The following IGSF9B variants were observed in gnomAD, a reference collection of about 807,000 sequenced individuals.
IGSF9B encodes the protein immunoglobulin superfamily member 9B, also known as protein turtle homolog B.
IGSF9B carries 48 observed loss-of-function variants against 143.7 expected under a neutral mutation model. The ratio of observed to expected loss-of-function variants is 0.33; its 90% CI spans 0.26 to 0.42. IGSF9B has a LOEUF of 0.42. Among genes scored for constraint, IGSF9B ranks in the 20% least tolerant of loss-of-function variants. The pLI, the probability that IGSF9B is intolerant of heterozygous loss-of-function variation, is 1.00. For missense variants in IGSF9B, 1,706 were observed against 1,980.0 expected (o/e 0.86, Z 2.63); for synonymous variants, 903 against 833.1 (o/e 1.08, Z -1.44).
intron 3 of IGSF9B, among the ~76,000 whole-genome samples, chr11:133,942,754 G>C (rs1177590502): frequency 6.6e-6 from 1 of 152,174 alleles, no homozygotes; most frequent in East Asian, 1.9e-4. Flanking sequence ...CCCTGCTCAC[G>C]CAACAGCTGG....
chr11:133,922,099 G>A (rs897122662), intron 17 of IGSF9B, 78 bp downstream of exon 17: 2 of 1,195,140 alleles, frequency 1.7e-6, no homozygotes, highest in East Asian at 2.4e-5. Flanking sequence ...ACTAACATGG[G>A]GCTGGGTAAG....
chr11:133,956,356 G>A (rs987189410), intron 1 of IGSF9B, among the ~76,000 whole-genome samples: 21 of 152,262 alleles, frequency 1.4e-4, no homozygotes, highest in Admixed American at 1.3e-3. Context: ...GGCGGCCGCC[G>A]GGCAGGAGGC....
intron 18 of IGSF9B, among the ~76,000 whole-genome samples, chr11:133,914,384 G>A (rs1044569878): frequency 6.6e-6 from 1 of 152,022 alleles, no homozygotes; most frequent in Non-Finnish European, 1.5e-5. Flanking sequence ...GAAAAGCATG[G>A]CATCCCCGCC....
At position 133,902,829 on chromosome 11, in the gene IGSF9B, T is replaced by G. The variant is rs146464791; in HGVS notation, c.*6240A>C. ...AACTGCAAGATGACCGTGAGGAGGCTCATCCCTCCACCAGAAATACAGCTT... is the reference window on the plus strand; with the variant it reads ...AACTGCAAGATGACCGTGAGGAGGCGCATCCCTCCACCAGAAATACAGCTT... On this transcript the variant is annotated 3_prime_UTR_variant, in exon 20 of 20. Coordinates refer to ENST00000533871, the MANE Select transcript of IGSF9B (RefSeq NM_001277285.4). Among the ~76,000 whole-genome samples the G allele has an allele frequency of 6.6e-6, 1 of 152,178 alleles. No individual in the cohort carries two copies. The highest frequency in any genetic ancestry group is 1.9e-4 in the East Asian group (1 of 5,168).
rs1251586552 is a variant in IGSF9B at position 133,900,058 on chromosome 11, C to T, written c.*9011G>A. ...ACAGTGCCTGACTGAATGGCAGGGC[C>T]TCATAGGTCCATGTAAGGATCAAGA... On this transcript the variant is annotated 3_prime_UTR_variant, in exon 20 of 20. Coordinates refer to ENST00000533871, the MANE Select transcript of IGSF9B (RefSeq NM_001277285.4). 2 of 152,130 alleles carry T rather than the reference C, an allele frequency of 1.3e-5. No individual in the cohort carries two copies. The highest frequency in any genetic ancestry group is 4.8e-5 in the African/African-American group (2 of 41,326). The allele number at this position is 152,130 out of a possible 1,614,324, so 9.4% of individuals were successfully genotyped here. A position where few individuals can be genotyped will look rare whatever the true frequency, so the allele number is the denominator to read the frequency against.
At chr11:133,916,908 C>T (rs1002451636) in intron 18 of IGSF9B, among the ~76,000 whole-genome samples, 7 of 152,108 alleles carry the variant, frequency 4.6e-5, no homozygotes, top group East Asian at 1.9e-4. Flanking sequence ...AGCTCATAAA[C>T]GCTGCCTGAC....
At chr11:133,933,801 C>T (rs1456814853) in intron 7 of IGSF9B, among the ~76,000 whole-genome samples, 1 of 152,140 alleles carries the variant, frequency 6.6e-6, no homozygotes, top group Non-Finnish European at 1.5e-5. Flanking sequence ...GAGTCACCTC[C>T]TCTCAGTACT....
chr11:133,939,365 GTCTC>G (rs1336395656), intron 3 of IGSF9B, among the ~76,000 whole-genome samples: 2 of 152,228 alleles, frequency 1.3e-5, no homozygotes, highest in East Asian at 3.8e-4. Flanking sequence ...TTACAAGTCT[GTCTC>G]TCTCTGTGTG....
intron 15 of IGSF9B, among the ~76,000 whole-genome samples, chr11:133,923,551 G>A (rs774103786): frequency 9.9e-5 from 15 of 152,178 alleles, no homozygotes; most frequent in Non-Finnish European, 1.6e-4. Context: ...AAGTTGTGTC[G>A]GTAAGTGCCA....
At position 133,937,868 on chromosome 11, in the gene IGSF9B, T is replaced by C; in HGVS notation, c.503A>G (p.Lys168Arg). ...CTCCTTGAGCCAGGTGACAATGGGC[T>C]TGGGGTTCCCAAAAGCTGTGCAGGT... ...TMTCTAFGNP[K>R]PIVTWLKEGT... The change falls in exon 4 of 20, where the codon AAG becomes AGG. Residue 168 changes from lysine (K) to arginine (R), a missense_variant. Lys to Arg is a conservative substitution (Grantham distance 26, BLOSUM62 2). Around this residue, in one of 7 missense-constraint regions of IGSF9B, gnomAD observed 238 missense variants for 452.6 expected, o/e 0.53. Coordinates refer to ENST00000533871, the MANE Select transcript of IGSF9B (RefSeq NM_001277285.4). 1.2e-6 allele frequency: 2 copies of C among 1,611,922 alleles called. No homozygotes were observed. The highest frequency in any genetic ancestry group is 1.7e-6 in the Non-Finnish European group (2 of 1,179,014).
Position 133,931,646 on chromosome 11 carries a change from G to A in IGSF9B, c.1251+9C>T. The A allele has an allele frequency of 6.2e-7, 1 of 1,608,628 alleles. No homozygotes were observed. The highest frequency in any genetic ancestry group is 8.5e-7 in the Non-Finnish European group (1 of 1,176,748). On this transcript the variant is annotated intron_variant, in intron 9 of 19. Coordinates refer to ENST00000533871, the MANE Select transcript of IGSF9B (RefSeq NM_001277285.4). The surrounding 1 kb of genome is among the most constrained non-coding windows in gnomAD (Gnocchi z 7.7). Reference sequence around the variant, plus strand: ...GCTCATGGAGGCCGTCACAGCCCTGGGACCTCACCTTCAGGACAAGCCTCG... The same window carrying A: ...GCTCATGGAGGCCGTCACAGCCCTGAGACCTCACCTTCAGGACAAGCCTCG...
rs1056280047 is a variant in IGSF9B, at chr11:133,902,479, A to T, written c.*6590T>A. On this transcript the variant is annotated 3_prime_UTR_variant, in exon 20 of 20. Transcript: ENST00000533871. Reference sequence around the variant, plus strand: ...CCACACACAGATACACACACCACACACAACACACACACACACCAGACATGC... The same window carrying T: ...CCACACACAGATACACACACCACACTCAACACACACACACACCAGACATGC... 2.0e-5 allele frequency among the ~76,000 whole-genome samples: 3 copies of T among 147,952 alleles called. No homozygotes were observed. Among genetic ancestry groups the T allele is most frequent in the East Asian group, 4.0e-4 (2 of 4,978 alleles).
chr11:133,942,024 C>T (rs1939962717), intron 3 of IGSF9B, among the ~76,000 whole-genome samples: 1 of 152,186 alleles, frequency 6.6e-6, no homozygotes. Context: ...TTCCCAGAGC[C>T]TGCCACAGAG....
In IGSF9B at chr11:133,897,231, C is replaced by G. The variant is rs1461197990; in HGVS notation, c.*11838G>C. On this transcript the variant is annotated 3_prime_UTR_variant, in exon 20 of 20. Transcript: ENST00000533871. ...GGCAGAAAACAGGGGAGAGAGCATC[C>G]CCCCTTCATTCCCACACCGCCCCAC... 2.0e-5 allele frequency: 3 copies of G among 151,644 alleles called. No individual in the cohort carries two copies. Among genetic ancestry groups the G allele is most frequent in the Non-Finnish European group, 2.9e-5 (2 of 68,048 alleles). The allele number at this position is 151,644 out of a possible 1,614,324, so 9.4% of individuals were successfully genotyped here.
Position 133,953,080 on chromosome 11 carries a change from G to A in IGSF9B, c.64+3611C>T, listed in dbSNP as rs955834001. Among the ~76,000 whole-genome samples the A allele has an allele frequency of 6.6e-6, 1 of 152,306 alleles. No homozygotes were observed. On this transcript the variant is annotated intron_variant, in intron 1 of 19. Transcript: ENST00000533871. This position sits in a 1 kb window ranked among gnomAD's most constrained non-coding sequence, Gnocchi z 4.2. ...TGAGGAAGAGAGGGCCAAGGAAGAA[G>A]ACACAGCCAGCACCCTGGCTGGGGA...
rs1411322408 is a variant in IGSF9B, at chr11:133,898,983, G to C, written c.*10086C>G. 6.6e-6 allele frequency: 1 copy of C among 152,328 alleles called. No homozygotes were observed. Among genetic ancestry groups the C allele is most frequent in the South Asian group, 2.1e-4 (1 of 4,826 alleles). 9.4% of individuals were successfully genotyped at this position (152,328 alleles called of 1,614,324 possible). A position where few individuals can be genotyped will look rare whatever the true frequency, so the allele number is the denominator to read the frequency against. ...AGCCTTTTCCCCAAGCTGCTGGTTG[G>C]TGACAGTGGGGAAGAGGGACAGGGC... On this transcript the variant is annotated 3_prime_UTR_variant, in exon 20 of 20. Coordinates refer to ENST00000533871, the MANE Select transcript of IGSF9B (RefSeq NM_001277285.4).
Position 133,905,633 on chromosome 11 carries a change from A to G in IGSF9B, c.*3436T>C, listed in dbSNP as rs1939200125. 6.6e-6 allele frequency among the ~76,000 whole-genome samples: 1 copy of G among 152,224 alleles called. No individual in the cohort carries two copies. The highest frequency in any genetic ancestry group is 1.9e-4 in the East Asian group (1 of 5,204). On this transcript the variant is annotated 3_prime_UTR_variant, in exon 20 of 20. Coordinates refer to ENST00000533871, the MANE Select transcript of IGSF9B (RefSeq NM_001277285.4). The surrounding 1 kb of genome is among the most constrained non-coding windows in gnomAD (Gnocchi z 4.0). ...ATGGTTGTGGGACTAAGCACCTCAA[A>G]GGAGGGCACAGACCCCGCCAGCCTG... is the stretch of plus-strand genomic sequence containing the variant.
In IGSF9B at chr11:133,904,136, C is replaced by G. The variant is rs563211524; in HGVS notation, c.*4933G>C. On this transcript the variant is annotated 3_prime_UTR_variant, in exon 20 of 20. Transcript: ENST00000533871. ...TGCAACTTCATGGCCGGAAGGAAGC[C>G]TCTCTACCTCAAGAGGAAAGGGGGA... Among the ~76,000 whole-genome samples, 67 of 152,300 alleles carry G rather than the reference C, an allele frequency of 4.4e-4. No homozygotes were observed. The highest frequency in any genetic ancestry group is 1.6e-3 in the African/African-American group (65 of 41,562).
rs565863426 is a variant in IGSF9B, at chr11:133,897,689, T to C, written c.*11380A>G. On this transcript the variant is annotated 3_prime_UTR_variant, in exon 20 of 20. Coordinates refer to ENST00000533871, the MANE Select transcript of IGSF9B (RefSeq NM_001277285.4). ...TTCTTATAGTTTGATTTCTAAGTCA[T>C]CTTTTAGAAGAAAAAAAAGCTTACT... is the stretch of plus-strand genomic sequence containing the variant. 1.3e-5 allele frequency: 2 copies of C among 152,192 alleles called. No individual in the cohort carries two copies. Among genetic ancestry groups the C allele is most frequent in the Non-Finnish European group, 2.9e-5 (2 of 68,040 alleles). 9.4% of individuals were successfully genotyped at this position (152,192 alleles called of 1,614,324 possible).
Sources: allele counts gnomAD v4.1 joint callset (sites outside exome capture counted in the v4.1 genomes callset), GRCh38; gene constraint gnomAD v4.1.1; regional missense constraint gnomAD v4.1.1; non-coding constraint Gnocchi (gnomAD v3.1); transcripts MANE v1.5; gene names NCBI Gene and HGNC (gene_info 2026-07-23, HGNC 2026-07-21).